The following DENND4A variants were observed in gnomAD, a reference collection of about 807,000 sequenced individuals.
The protein encoded by DENND4A is DENN domain containing 4A.
In DENND4A, 70 loss-of-function variants were observed where a neutral mutation model predicts 199.3. The observed-to-expected ratio is 0.35, with a 90% CI of 0.29 to 0.43. The LOEUF (loss-of-function observed/expected upper bound fraction) is 0.43. Among genes scored for constraint, DENND4A ranks in the 20% least tolerant of loss-of-function variants. DENND4A has a pLI of 1.00. For missense variants in DENND4A, 1,723 were observed against 2,255.8 expected, an observed-to-expected ratio of 0.76 and a Z score of 4.78; for synonymous variants, 686 against 766.9, an observed-to-expected ratio of 0.89 and a Z score of 1.74.
chr15:65,685,740 G>A (rs1325337016), intron 23 of DENND4A, among the ~76,000 whole-genome samples: 1 of 152,144 alleles, frequency 6.6e-6, no homozygotes, highest in Non-Finnish European at 1.5e-5. Flanking sequence ...GACTGTATTT[G>A]CATGCAGATA....
At chr15:65,730,247 C>G (rs570381467) in intron 9 of DENND4A, among the ~76,000 whole-genome samples, 1 of 152,106 alleles carries the variant, frequency 6.6e-6, no homozygotes, top group East Asian at 1.9e-4. Flanking sequence ...ATAATGAAAA[C>G]AATAAACTTA....
chr15:65,693,237 G>A (rs1407802246), intron 22 of DENND4A, among the ~76,000 whole-genome samples: 1 of 152,028 alleles, frequency 6.6e-6, no homozygotes, highest in Non-Finnish European at 1.5e-5. Flanking sequence ...AGTTTTTGAG[G>A]GTTTTTGGAA....
chr15:65,685,866 A>G (rs2076759943), intron 23 of DENND4A, among the ~76,000 whole-genome samples: 1 of 152,200 alleles, frequency 6.6e-6, no homozygotes, highest in African/African-American at 2.4e-5. Flanking sequence ...TCTGGAGTCT[A>G]AATTTTATTC....
intron 18 of DENND4A, 26 bp from the exon 19 acceptor site, chr15:65,701,218 T>C (rs1312057817): frequency 5.4e-6 from 8 of 1,494,854 alleles, no homozygotes; most frequent in Non-Finnish European, 7.1e-6. Context: ...AATAAAATAA[T>C]TAGTAAAATA....
intron 20 of DENND4A, among the ~76,000 whole-genome samples, chr15:65,698,323 C>T (rs1329266454): frequency 1.4e-5 from 2 of 142,564 alleles, no homozygotes; most frequent in African/African-American, 2.5e-5. Context: ...CACTGTGTTG[C>T]TAAAGAGGCT....
chr15:65,771,677 G>A, intron 1 of DENND4A: 1 of 1,610,868 alleles, frequency 6.2e-7, no homozygotes, highest in Non-Finnish European at 8.5e-7. Context: ...TATACTACCT[G>A]AAGGAAATCC....
At chr15:65,666,766 G>C (rs536918618) in intron 29 of DENND4A, among the ~76,000 whole-genome samples, 1 of 138,390 alleles carries the variant, frequency 7.2e-6, no homozygotes, top group Non-Finnish European at 1.5e-5. Context: ...GTGACAGGGC[G>C]AGACCTTGTG....
chr15:65,771,126 A>G, intron 1 of DENND4A: 1 of 1,503,530 alleles, frequency 6.7e-7, no homozygotes, highest in African/African-American at 1.4e-5. Context: ...ACTTACTTAC[A>G]GAAAAAATAA....
chr15:65,690,267 C>A, intron 23 of DENND4A, 148 bp downstream of exon 23: 1 of 759,966 alleles, frequency 1.3e-6, no homozygotes, highest in South Asian at 4.0e-5. Flanking sequence ...ATTTCAGTTC[C>A]AATTCTGATA....
chr15:65,691,112 G>A lies in DENND4A; in HGVS notation c.3482C>T (p.Ser1161Phe). The A allele has an allele frequency of 6.2e-7, 1 of 1,613,200 alleles. No individual in the cohort carries two copies. The highest frequency in any genetic ancestry group is 1.7e-4 in the Middle Eastern group (1 of 6,056). ...GTCTTCTAAGTCAAAAATAACAGGA[G>A]AATCCACTTTATCTGCCAAATAGTT... ...GSNYLADKVDSPVIFDLEDLD... is the reference protein window; with the variant it reads ...GSNYLADKVDFPVIFDLEDLD... The change falls in exon 23 of 33, where the codon TCT becomes TTT. Residue 1161 changes from serine (S) to phenylalanine (F), a missense_variant. By Grantham distance (155) the Ser-to-Phe change is radical. Transcript: ENST00000443035.
intron 1 of DENND4A, among the ~76,000 whole-genome samples, chr15:65,767,979 C>A (rs888725406): frequency 6.6e-6 from 1 of 152,088 alleles, no homozygotes; most frequent in Non-Finnish European, 1.5e-5. Flanking sequence ...GAAATCAGTT[C>A]TCCGTATCTC....
intron 1 of DENND4A, among the ~76,000 whole-genome samples, chr15:65,763,217 A>G (rs1198496898): frequency 1.3e-5 from 2 of 152,180 alleles, no homozygotes; most frequent in South Asian, 2.1e-4. Flanking sequence ...CACAGAAATC[A>G]TAAGCACCTC....
chr15:65,784,336 A>T (rs1007091986), intron 1 of DENND4A, among the ~76,000 whole-genome samples: 2 of 152,182 alleles, frequency 1.3e-5, no homozygotes, highest in African/African-American at 4.8e-5. Context: ...GTAAAAACTA[A>T]CAAAATCCAA....
intron 15 of DENND4A, 77 bp from the exon 16 acceptor site, chr15:65,703,085 T>C: frequency 7.4e-7 from 1 of 1,355,540 alleles, no homozygotes; most frequent in South Asian, 1.4e-5. Flanking sequence ...TACAGGTTAA[T>C]ATAATTACGA....
At chr15:65,686,452 T>A (rs2076785285) in intron 23 of DENND4A, among the ~76,000 whole-genome samples, 2 of 152,256 alleles carry the variant, frequency 1.3e-5, no homozygotes, top group Admixed American at 1.3e-4. Flanking sequence ...TTAAATTTCC[T>A]ACTCAGATTT....
At chr15:65,766,101 A>C (rs541352803) in intron 1 of DENND4A, among the ~76,000 whole-genome samples, 1 of 152,202 alleles carries the variant, frequency 6.6e-6, no homozygotes, top group East Asian at 1.9e-4. Context: ...AATTACAAAA[A>C]TTAGCCGGAT....
At chr15:65,791,178 G>A (rs1596730788) in intron 1 of DENND4A, among the ~76,000 whole-genome samples, 1 of 152,162 alleles carries the variant, frequency 6.6e-6, no homozygotes, top group African/African-American at 2.4e-5. Context: ...GTTGACTGAT[G>A]CCTGTCCTGC....
At chr15:65,743,798 G>A (rs1275275174) in intron 4 of DENND4A, among the ~76,000 whole-genome samples, 4 of 152,142 alleles carry the variant, frequency 2.6e-5, no homozygotes, top group South Asian at 4.1e-4. Context: ...AAGTATGCCC[G>A]TCATGACCTA....
chr15:65,701,681 C>T (rs1167466314), intron 18 of DENND4A, 81 bp downstream of exon 18: 4 of 1,310,816 alleles, frequency 3.1e-6, no homozygotes, highest in South Asian at 2.5e-5. Flanking sequence ...GCCAAATAAC[C>T]CCCTGCATAA....
Sources: allele counts gnomAD v4.1 joint callset (sites outside exome capture counted in the v4.1 genomes callset), GRCh38; gene constraint gnomAD v4.1.1; transcripts MANE v1.5; gene names NCBI Gene and HGNC (gene_info 2026-07-23, HGNC 2026-07-21).